Variants in JHY observed in about 807,000 individuals in gnomAD.
JHY encodes jhy protein homolog.
JHY carries 69 observed loss-of-function variants against 78.0 expected under a neutral mutation model. That is an observed-to-expected ratio of 0.88 (90% CI 0.73 to 1.08). JHY has a LOEUF of 1.08. Ranked by LOEUF, JHY falls within the 50% of genes least tolerant of loss-of-function variation. The probability of loss-of-function intolerance (pLI) is 0.00; values close to 1 mark genes in which losing one functional copy is unlikely to be tolerated. For missense variants in JHY, 944 were observed against 927.8 expected (o/e 1.02, Z -0.23); for synonymous variants, 368 against 342.6 (o/e 1.07, Z -0.82).
intron 6 of JHY, chr11:122,947,629 G>GC (rs1863992903): frequency 6.6e-6 from 1 of 152,204 alleles, no homozygotes. Flanking sequence ...TGTTTTACAG[G>GC]CAACAGGGAA....
At chr11:122,955,620 T>A (rs1443807737) in intron 6 of JHY, among the ~76,000 whole-genome samples, 4 of 152,238 alleles carry the variant, frequency 2.6e-5, no homozygotes, top group Non-Finnish European at 2.9e-5. Context: ...CATATTCAAT[T>A]CTATGTGCCC....
rs1863257052 is a variant in JHY at position 122,917,506 on chromosome 11, T to C, written c.865-7391T>C. The stretch of plus-strand genomic sequence containing the variant: ...GGGAACTTAACACAAGTGGAAATTC[T>C]TGGGCCCCATGCCAGACCTCCTGAG... On this transcript the variant is annotated intron_variant, in intron 3 of 8. Coordinates refer to ENST00000227349, the MANE Select transcript of JHY (RefSeq NM_024806.4). The surrounding 1 kb of genome is among the most constrained non-coding windows in gnomAD (Gnocchi z 4.1). 6.6e-6 allele frequency among the ~76,000 whole-genome samples: 1 copy of C among 152,230 alleles called. No individual in the cohort carries two copies.
At chr11:122,902,806 G>A (rs927928643) in intron 2 of JHY, among the ~76,000 whole-genome samples, 1 of 152,098 alleles carries the variant, frequency 6.6e-6, no homozygotes, top group South Asian at 2.1e-4. Context: ...CCATTCATGA[G>A]AACTCTGTCC....
rs1050240576 is a variant in JHY, at chr11:122,948,578, C to T, written c.1929+1786C>T. ...GTTGCATGGAGCTTGGGAAGGCAGA[C>T]GTGTAAATGCTTATTATGTTGCAGT... On this transcript the variant is annotated intron_variant, in intron 6 of 8. Coordinates refer to ENST00000227349, the MANE Select transcript of JHY (RefSeq NM_024806.4). Among the ~76,000 whole-genome samples, 11 of 151,350 alleles carry T rather than the reference C, an allele frequency of 7.3e-5. No homozygotes were observed. The East Asian group carries it at 1.9e-3, about 27-fold the overall frequency.
chr11:122,931,109 G>C (rs1863625850), intron 4 of JHY, among the ~76,000 whole-genome samples: 3 of 152,132 alleles, frequency 2.0e-5, no homozygotes, highest in African/African-American at 7.2e-5. Flanking sequence ...CACCCGAAAA[G>C]ACCCCACCTT....
chr11:122,928,949 A>G (rs996020247), intron 4 of JHY, among the ~76,000 whole-genome samples: 1 of 141,356 alleles, frequency 7.1e-6, no homozygotes, highest in Non-Finnish European at 1.5e-5. Context: ...CGCCTGGCCC[A>G]TTTTTTCTTT....
rs1437342854 is a variant in JHY, at chr11:122,959,271, C to A, written c.2163C>A (p.Ile721=). ...AGGCTTTGGAATACGCTAAGACCAT[C>A]CCCAAACCCAAACCATCAAATCTGA... ...RQKALEYAKT[I]PKPKPSNLTH... Residue 721 remains isoleucine, a synonymous_variant, in exon 9 of 9, where the codon ATC becomes ATA. Transcript: ENST00000227349. 2.5e-6 allele frequency: 4 copies of A among 1,614,088 alleles called. No homozygotes were observed. The East Asian group carries it at 8.9e-5, about 36-fold the overall frequency.
At position 122,946,866 on chromosome 11, in the gene JHY, C is replaced by T. The variant is rs1376368941; in HGVS notation, c.1929+74C>T. The T allele has an allele frequency of 3.4e-5, 51 of 1,508,682 alleles. No homozygotes were observed. In the East Asian group the frequency reaches 1.1e-3, roughly 32 times the overall value. The allele number at this position is 1,508,682 out of a possible 1,614,324, so 93.5% of individuals were successfully genotyped here. Reference sequence around the variant, plus strand: ...CAGATGGACCTTGATGTAATTATAGCCCTGGAATAGGGATGGTCATTACTG... The same window carrying T: ...CAGATGGACCTTGATGTAATTATAGTCCTGGAATAGGGATGGTCATTACTG... On this transcript the variant is annotated intron_variant, in intron 6 of 8. Transcript: ENST00000227349.
In JHY at chr11:122,920,778, C is replaced by G. The variant is rs1381819191; in HGVS notation, c.865-4119C>G. ...CCTTACCTCAGTGTAAACACCTCAT[C>G]AAGATTGCCTGCGCTTCAACAATAG... On this transcript the variant is annotated intron_variant, in intron 3 of 8. Transcript: ENST00000227349. Among the ~76,000 whole-genome samples, 6 of 152,212 alleles carry G rather than the reference C, an allele frequency of 3.9e-5. No homozygotes were observed. The South Asian group carries it at 8.3e-4, about 21-fold the overall frequency.
At chr11:122,914,507 C>T (rs1053558384) in intron 3 of JHY, among the ~76,000 whole-genome samples, 12 of 151,926 alleles carry the variant, frequency 7.9e-5, no homozygotes, top group African/African-American at 2.7e-4. Context: ...TGCAGTGATG[C>T]GATCTCCGCT....
chr11:122,939,508 C>T (rs1863828308), intron 5 of JHY, among the ~76,000 whole-genome samples: 2 of 152,154 alleles, frequency 1.3e-5, no homozygotes, highest in African/African-American at 2.4e-5. Context: ...GAAATATTTG[C>T]TCTTTTCCCC....
rs528006503 is a variant in JHY, at chr11:122,948,795, G to C, written c.1929+2003G>C. On this transcript the variant is annotated intron_variant, in intron 6 of 8. Transcript: ENST00000227349. ...TGATGAAGAGTTGGCAAAGAAGACT[G>C]CAAGAGCAGGCTGGGCGCGGTGGCT... is the stretch of plus-strand genomic sequence containing the variant. Among the ~76,000 whole-genome samples the C allele has an allele frequency of 2.0e-3, 298 of 152,002 alleles. 2 individuals carry two copies. The highest frequency in any genetic ancestry group is 6.9e-3 in the African/African-American group (288 of 41,468).
chr11:122,923,549 A>G (rs1308332959), intron 3 of JHY, among the ~76,000 whole-genome samples: 3 of 152,186 alleles, frequency 2.0e-5, no homozygotes, highest in Non-Finnish European at 2.9e-5. Context: ...TCCACATGAC[A>G]CAGACACTAA....
intron 3 of JHY, among the ~76,000 whole-genome samples, chr11:122,907,250 G>GT (rs200056855): frequency 1.3e-3 from 185 of 147,042 alleles, no homozygotes; most frequent in South Asian, 6.9e-3. Context: ...AAACTGATGT[G>GT]TTTTTTTTTT....
intron 2 of JHY, among the ~76,000 whole-genome samples, chr11:122,892,470 G>C (rs377113120): frequency 6.6e-6 from 1 of 151,868 alleles, no homozygotes; most frequent in Non-Finnish European, 1.5e-5. Context: ...CTACAGGCGC[G>C]TGCCACCATG....
chr11:122,919,352 CAAAAAAAAA>C (rs72233254), intron 3 of JHY, among the ~76,000 whole-genome samples: 23 of 70,082 alleles, frequency 3.3e-4, no homozygotes, highest in African/African-American at 7.4e-4. Flanking sequence ...GACTCTGTCT[CAAAAAAAAA>C]AAAAAAAAAA....
chr11:122,902,266 G>A (rs1862877728), intron 2 of JHY, among the ~76,000 whole-genome samples: 1 of 151,762 alleles, frequency 6.6e-6, no homozygotes, highest in South Asian at 2.1e-4. Flanking sequence ...AGATCAGCCT[G>A]GCCAACATGG....
chr11:122,944,385 ATT>A (rs1863926510), intron 5 of JHY, among the ~76,000 whole-genome samples: 1 of 152,124 alleles, frequency 6.6e-6, no homozygotes, highest in Non-Finnish European at 1.5e-5. Context: ...GCAAATATAT[ATT>A]CTCTTTATAT....
At chr11:122,910,910 C>T (rs1223194741) in intron 3 of JHY, among the ~76,000 whole-genome samples, 4 of 152,172 alleles carry the variant, frequency 2.6e-5, no homozygotes, top group African/African-American at 9.7e-5. Context: ...CCTTTGAATA[C>T]ATGACAAAAT....
Sources: allele counts gnomAD v4.1 joint callset (sites outside exome capture counted in the v4.1 genomes callset), GRCh38; gene constraint gnomAD v4.1.1; non-coding constraint Gnocchi (gnomAD v3.1); transcripts MANE v1.5; gene names NCBI Gene and HGNC (gene_info 2026-07-23, HGNC 2026-07-21).